RELN: variants seen among roughly 807,000 people sequenced by gnomAD.
RELN encodes reelin.
A neutral mutation model predicts 427.6 loss-of-function variants in RELN; 108 were observed. The ratio of observed to expected loss-of-function variants is 0.25; its 90% CI spans 0.22 to 0.30. The LOEUF (loss-of-function observed/expected upper bound fraction) is 0.30. RELN is among the 10% of genes least tolerant of loss of function. RELN has a pLI of 1.00. For missense variants in RELN, 3,715 were observed against 4,302.8 expected (o/e 0.86, Z 3.82); for synonymous variants, 1,524 against 1,513.4 (o/e 1.01, Z -0.16).
chr7:103,909,277 T>G (rs802787), intron 2 of RELN, among the ~76,000 whole-genome samples: 80,376 of 151,744 alleles, frequency 0.53, 22,846 homozygotes, highest in Non-Finnish European at 0.64. Flanking sequence ...TGTAATAGGT[T>G]CTACTTAGTC....
Position 103,512,580 on chromosome 7 carries a change from A to G in RELN, c.8120-1575T>C, listed in dbSNP as rs141619108. On this transcript the variant is annotated intron_variant, in intron 50 of 64. Coordinates refer to ENST00000428762, the MANE Select transcript of RELN (RefSeq NM_005045.4). ...AAGTAGTAAGACTATGAATTGATTA[A>G]TGCAGAGTACATCTTGTGTGTTGAT... 1.4e-3 allele frequency among the ~76,000 whole-genome samples: 213 copies of G among 152,316 alleles called. 1 individual carries two copies. Among genetic ancestry groups the G allele is most frequent in the Non-Finnish European group, 2.0e-3 (136 of 68,020 alleles).
rs190814286 is a variant in RELN at position 103,725,932 on chromosome 7, A to T, written c.753+2179T>A. ...ATGGAGATCCTCCTTTTAGCATTTT[A>T]AAAGATAAATCCTTAGCCTAATAAG... is the stretch of plus-strand genomic sequence containing the variant. On this transcript the variant is annotated intron_variant, in intron 7 of 64. Coordinates refer to ENST00000428762, the MANE Select transcript of RELN (RefSeq NM_005045.4). Among the ~76,000 whole-genome samples the T allele has an allele frequency of 1.9e-3, 294 of 152,326 alleles. 3 individuals carry two copies. Among genetic ancestry groups the T allele is most frequent in the African/African-American group, 6.9e-3 (288 of 41,572 alleles).
chr7:103,472,549 A>T lies in RELN; in HGVS notation c.*263T>A. On this transcript the variant is annotated 3_prime_UTR_variant, in exon 65 of 65. Transcript: ENST00000428762. ...TCTGTTAAACTGTTTCTTATTGTCA[A>T]TACTGCCACTGTAACTGATATTACA... The T allele has an allele frequency of 2.3e-6, 1 of 443,200 alleles. No homozygotes were observed. Among genetic ancestry groups the T allele is most frequent in the Non-Finnish European group, 4.1e-6 (1 of 241,806 alleles). The allele number at this position is 443,200 out of a possible 1,614,324, so 27.5% of individuals were successfully genotyped here. A position where few individuals can be genotyped will look rare whatever the true frequency, so the allele number is the denominator to read the frequency against.
intron 3 of RELN, among the ~76,000 whole-genome samples, chr7:103,781,496 T>C (rs564251935): frequency 3.7e-4 from 57 of 152,220 alleles, no homozygotes; most frequent in Non-Finnish European, 7.3e-5. Flanking sequence ...AATTAACATA[T>C]GCATTACTTC....
intron 2 of RELN, among the ~76,000 whole-genome samples, chr7:103,901,246 A>C (rs1007088152): frequency 8.6e-5 from 13 of 151,838 alleles, no homozygotes; most frequent in African/African-American, 3.1e-4. Flanking sequence ...TAAGTAAAAC[A>C]CAAAAAAGCA....
intron 27 of RELN, among the ~76,000 whole-genome samples, chr7:103,590,568 AT>A (rs11289094): frequency 0.016 from 407 of 24,728 alleles, 2 homozygotes; most frequent in African/African-American, 0.063. Context: ...TCAACAATAA[AT>A]AAATAAATAA....
chr7:103,776,751 T>A, intron 3 of RELN, 124 bp from the exon 4 acceptor site: 1 of 956,232 alleles, frequency 1.0e-6, no homozygotes, highest in Non-Finnish European at 1.6e-6. Flanking sequence ...TTTTAATGAG[T>A]ACATCAGAAG....
intron 46 of RELN, among the ~76,000 whole-genome samples, chr7:103,532,550 A>G (rs1428993486): frequency 1.3e-5 from 2 of 152,130 alleles, no homozygotes; most frequent in South Asian, 2.1e-4. Context: ...AAGTGTTCCT[A>G]TAATGAACCT....
At chr7:103,510,579 A>T (rs146168362) in intron 51 of RELN, among the ~76,000 whole-genome samples, 2 of 152,164 alleles carry the variant, frequency 1.3e-5, no homozygotes, top group East Asian at 1.9e-4. Context: ...ATGTATACCT[A>T]TGTAACAAAC....
chr7:103,974,201 G>A (rs969700743), intron 1 of RELN, among the ~76,000 whole-genome samples: 1 of 152,142 alleles, frequency 6.6e-6, no homozygotes, highest in Non-Finnish European at 1.5e-5. Flanking sequence ...CAGGCATAAT[G>A]TTGTTTTTCA....
intron 2 of RELN, among the ~76,000 whole-genome samples, chr7:103,852,020 A>G (rs1584297571): frequency 1.3e-5 from 2 of 152,178 alleles, no homozygotes; most frequent in East Asian, 3.8e-4. Flanking sequence ...ACTATGTAAG[A>G]TTGTTGAGTT....
At chr7:103,941,124 G>A (rs745972328) in intron 1 of RELN, among the ~76,000 whole-genome samples, 48 of 151,976 alleles carry the variant, frequency 3.2e-4, no homozygotes, top group Middle Eastern at 3.4e-3. Context: ...AGACTGACAC[G>A]AGACTGGTAC....
chr7:103,891,109 A>G (rs1395637073), intron 2 of RELN, among the ~76,000 whole-genome samples: 1 of 152,068 alleles, frequency 6.6e-6, no homozygotes. Flanking sequence ...CAAAAAACAA[A>G]AAGAAAGTGG....
At chr7:103,509,506 A>G (rs971387558) in intron 51 of RELN, among the ~76,000 whole-genome samples, 1 of 152,248 alleles carries the variant, frequency 6.6e-6, no homozygotes. Flanking sequence ...AATTAACTCA[A>G]GATGGATTAA....
In RELN at chr7:103,635,538, C is replaced by T. The variant is rs148510862; in HGVS notation, c.2352G>A (p.Thr784=). The T allele has an allele frequency of 2.7e-5, 43 of 1,614,006 alleles. No individual in the cohort carries two copies. Among genetic ancestry groups the T allele is most frequent in the African/African-American group, 1.9e-4 (14 of 75,042 alleles). ...LRLGSKSVLS[T]CRAPDQPGEG... ...CACCAGGCTGATCAGGGGCTCTGCA[C>T]GTGCTCAGAACAGATTTGCTCCCCA... The change falls in exon 19 of 65, where the codon ACG becomes ACA. Residue 784 remains threonine, a synonymous_variant. Transcript: ENST00000428762.
chr7:103,518,505 G>GTTTTTT (rs58239018), intron 49 of RELN, among the ~76,000 whole-genome samples: 8 of 114,364 alleles, frequency 7.0e-5, no homozygotes, highest in South Asian at 6.3e-4. Flanking sequence ...GGTAATTTAA[G>GTTTTTT]TTTTTTTTTT....
chr7:103,989,282 C>T lies in RELN; in HGVS notation c.75G>A (p.Ala25=). The change falls in exon 1 of 65, where the codon GCG becomes GCA. Residue 25 remains alanine, a synonymous_variant. Transcript: ENST00000428762. This position sits in a 1 kb window ranked among gnomAD's most constrained non-coding sequence, Gnocchi z 4.9. ...LLLGATLRAR[A]AAGYYPRFSP... is the part of the protein sequence containing the mutation. ...AAAAGCGGGGGTAATAGCCAGCCGC[C>T]GCGCGCGCCCTCAGCGTCGCCCCCA... 1.2e-6 allele frequency: 2 copies of T among 1,613,232 alleles called. No homozygotes were observed. Among genetic ancestry groups the T allele is most frequent in the South Asian group, 1.1e-5 (1 of 91,060 alleles).
intron 22 of RELN, among the ~76,000 whole-genome samples, chr7:103,606,671 A>C (rs1831828052): frequency 6.6e-6 from 1 of 152,210 alleles, no homozygotes; most frequent in African/African-American, 2.4e-5. Flanking sequence ...GGCATGGGGA[A>C]GGGTTTCAGA....
At position 103,620,531 on chromosome 7, in the gene RELN, T is replaced by A; in HGVS notation, c.2703-8728A>T. Among the ~76,000 whole-genome samples, 1 of 151,110 alleles carries A rather than the reference T, an allele frequency of 6.6e-6. No individual in the cohort carries two copies. Among genetic ancestry groups the A allele is most frequent in the Non-Finnish European group, 1.5e-5 (1 of 67,902 alleles). ...TCTGTCGCCCAGGCTGGAGTAACAG[T>A]GGCACGATCTTGGCTCACTGCAGCC... On this transcript the variant is annotated intron_variant, in intron 20 of 64. Transcript: ENST00000428762. This position sits in a 1 kb window ranked among gnomAD's most constrained non-coding sequence, Gnocchi z 4.1.
Sources: allele counts gnomAD v4.1 joint callset (sites outside exome capture counted in the v4.1 genomes callset), GRCh38; gene constraint gnomAD v4.1.1; non-coding constraint Gnocchi (gnomAD v3.1); transcripts MANE v1.5; gene names NCBI Gene and HGNC (gene_info 2026-07-23, HGNC 2026-07-21).